Variants in CPPED1 observed in about 807,000 individuals in gnomAD.
CPPED1 encodes serine/threonine-protein phosphatase CPPED1.
CPPED1 carries 28 observed loss-of-function variants against 28.0 expected under a neutral mutation model. The ratio of observed to expected loss-of-function variants is 1.00; its 90% confidence interval spans 0.74 to 1.37. CPPED1 has a LOEUF of 1.37. CPPED1 is among the 40% of genes most tolerant of loss of function. CPPED1 has a pLI of 0.00. For synonymous variants in CPPED1, 198 were observed against 180.2 expected, an observed-to-expected ratio of 1.10 and a Z score of -0.79; for missense variants, 504 against 416.5, an observed-to-expected ratio of 1.21 and a Z score of -1.83.
intron 2 of CPPED1, among the ~76,000 whole-genome samples, chr16:12,754,687 C>T (rs1190579591): frequency 1.8e-5 from 2 of 113,070 alleles, no homozygotes; most frequent in Non-Finnish European, 4.1e-5. Context: ...CACAATGGAC[C>T]CAACTGAAAA....
At chr16:12,686,021 C>T (rs1489158410) in intron 3 of CPPED1, among the ~76,000 whole-genome samples, 1 of 152,152 alleles carries the variant, frequency 6.6e-6, no homozygotes, top group Non-Finnish European at 1.5e-5. Flanking sequence ...ATGCATTCAG[C>T]CAGGCCGAGT....
intron 1 of CPPED1, among the ~76,000 whole-genome samples, chr16:12,799,128 AG>A (rs2080643591): frequency 6.6e-6 from 1 of 152,108 alleles, no homozygotes; most frequent in Non-Finnish European, 1.5e-5. Flanking sequence ...CTGCTCAATG[AG>A]CTGATTCTGC....
At chr16:12,780,934 A>T (rs1567304954) in intron 2 of CPPED1, 3 of 507,536 alleles carry the variant, frequency 5.9e-6, no homozygotes, top group Admixed American at 6.8e-5. Context: ...AATCTGTTCC[A>T]TTTTTCATAT....
rs147131118 is a variant in CPPED1, at chr16:12,720,794, A to T, written c.290-15745T>A. Among the ~76,000 whole-genome samples, 290 of 152,350 alleles carry T rather than the reference A, an allele frequency of 1.9e-3. 2 individuals are homozygous for T. The East Asian group carries it at 0.02, about 11-fold the overall frequency. ...TGCCCAGCCCAAACTGTTTTATTTT[A>T]TACAAATTCTGTGCAAAGCTTAGTT... On this transcript the variant is annotated intron_variant, in intron 2 of 3. Transcript: ENST00000381774.
intron 2 of CPPED1, among the ~76,000 whole-genome samples, chr16:12,749,405 T>C (rs1256369411): frequency 3.3e-5 from 5 of 152,212 alleles, no homozygotes; most frequent in African/African-American, 1.2e-4. Context: ...ATCATGAGAT[T>C]GCAATTCAGT....
At chr16:12,717,408 C>T (rs1263624702) in intron 2 of CPPED1, among the ~76,000 whole-genome samples, 1 of 152,058 alleles carries the variant, frequency 6.6e-6, no homozygotes, top group African/African-American at 2.4e-5. Flanking sequence ...GGACTACAGG[C>T]GCCCGCCACT....
chr16:12,763,019 G>A (rs1335481465), intron 2 of CPPED1, among the ~76,000 whole-genome samples: 1 of 152,020 alleles, frequency 6.6e-6, no homozygotes, highest in Admixed American at 6.6e-5. Flanking sequence ...ACTTGAAGTT[G>A]GGAGTTCAAG....
chr16:12,769,511 G>T (rs1385885952), intron 2 of CPPED1, among the ~76,000 whole-genome samples: 1 of 152,072 alleles, frequency 6.6e-6, no homozygotes, highest in African/African-American at 2.4e-5. Context: ...GTGGAAGGGC[G>T]ATCACACACC....
At chr16:12,674,945 G>C (rs887704757) in intron 3 of CPPED1, among the ~76,000 whole-genome samples, 1 of 152,224 alleles carries the variant, frequency 6.6e-6, no homozygotes, top group African/African-American at 2.4e-5. Flanking sequence ...GCTTTCTCCA[G>C]GGCAGGGCCA....
intron 3 of CPPED1, among the ~76,000 whole-genome samples, chr16:12,693,400 T>G (rs565813709): frequency 6.6e-6 from 1 of 152,276 alleles, no homozygotes; most frequent in African/African-American, 2.4e-5. Context: ...TTCACCATGT[T>G]GCCTAGGCTG....
rs1292479432 is a variant in CPPED1 at position 12,731,144 on chromosome 16, CA to C, written c.290-26096del. On this transcript the variant is annotated intron_variant, in intron 2 of 3. Transcript: ENST00000381774. ...GCAACATATGGAGACCCTGTCTCTT[CA>C]AAAAAAAAAATTTTTTTTTTTTTTT... 3.2e-5 allele frequency among the ~76,000 whole-genome samples: 4 copies of C among 126,598 alleles called. No individual in the cohort carries two copies. In the South Asian group the frequency reaches 8.4e-4, roughly 26 times the overall value. 83.1% of individuals were successfully genotyped at this position (126,598 alleles called of 152,430 possible). A position where few individuals can be genotyped will look rare whatever the true frequency, so the allele number is the denominator to read the frequency against.
chr16:12,666,787 G>C (rs542168419), intron 3 of CPPED1, among the ~76,000 whole-genome samples: 1 of 152,262 alleles, frequency 6.6e-6, no homozygotes, highest in East Asian at 1.9e-4. Flanking sequence ...TATTACCTTT[G>C]CTTTTTAATA....
chr16:12,795,268 C>A (rs947677621), intron 1 of CPPED1, among the ~76,000 whole-genome samples: 2 of 152,180 alleles, frequency 1.3e-5, no homozygotes, highest in African/African-American at 4.8e-5. Flanking sequence ...GTGAGGGCAC[C>A]CACCTGGTAG....
At chr16:12,764,531 A>G (rs61008691) in intron 2 of CPPED1, among the ~76,000 whole-genome samples, 29,899 of 151,450 alleles carry the variant, frequency 0.2, 4,487 homozygotes, top group African/African-American at 0.42. Context: ...GTAGAGTTGG[A>G]GTTTTGCCAT....
chr16:12,677,391 C>A (rs963833764), intron 3 of CPPED1, among the ~76,000 whole-genome samples: 1 of 152,240 alleles, frequency 6.6e-6, no homozygotes, highest in African/African-American at 2.4e-5. Flanking sequence ...GTAATCCCAG[C>A]ACTTTGGGAG....
intron 2 of CPPED1, among the ~76,000 whole-genome samples, chr16:12,725,360 T>C (rs1314321962): frequency 1.3e-5 from 2 of 152,140 alleles, no homozygotes; most frequent in Non-Finnish European, 2.9e-5. Context: ...TCCCAAAGTG[T>C]TGGGATTACA....
intron 1 of CPPED1, among the ~76,000 whole-genome samples, chr16:12,803,387 A>T (rs11075158): frequency 6.6e-6 from 1 of 152,212 alleles, no homozygotes; most frequent in South Asian, 2.1e-4. Flanking sequence ...GCTAATGCAC[A>T]GCTTGGAAAC....
In CPPED1 at chr16:12,665,064, T is replaced by C. The variant is rs1424325859; in HGVS notation, c.767A>G (p.Tyr256Cys). 1 of 1,609,146 alleles carries C rather than the reference T, an allele frequency of 6.2e-7. No homozygotes were observed. Among genetic ancestry groups the C allele is most frequent in the East Asian group, 2.2e-5 (1 of 44,828 alleles). Residue 256 changes from tyrosine (Y) to cysteine (C), a missense_variant, in exon 4 of 4, where the codon TAC becomes TGC. By Grantham distance (194) the Tyr-to-Cys change is radical. Coordinates refer to ENST00000381774, the MANE Select transcript of CPPED1 (RefSeq NM_018340.3). ...TGACACCACCATGTCGAGGTTCTGG[T>C]AGGTACCCCCGGCATTCCTGTGGTA... ...GHYHRNAGGT[Y>C]QNLDMVVSSA...
chr16:12,724,830 A>G (rs1006974204), intron 2 of CPPED1, among the ~76,000 whole-genome samples: 1 of 152,124 alleles, frequency 6.6e-6, no homozygotes, highest in Non-Finnish European at 1.5e-5. Flanking sequence ...TCTGTCACCC[A>G]GACTAGAGTG....
Sources: allele counts gnomAD v4.1 joint callset (sites outside exome capture counted in the v4.1 genomes callset), GRCh38; gene constraint gnomAD v4.1.1; transcripts MANE v1.5; gene names NCBI Gene and HGNC (gene_info 2026-07-23, HGNC 2026-07-21).